Variants in SNX24 observed in about 807,000 individuals in gnomAD.
SNX24 encodes sorting nexin 24, also known as sorting nexin-24.
In SNX24, 22 loss-of-function variants were observed where a neutral mutation model predicts 28.7. That is an observed-to-expected ratio of 0.77 (90% CI 0.55 to 1.10). SNX24 has a LOEUF of 1.10. SNX24 is among the 50% of genes least tolerant of loss of function. The pLI is 0.00. For synonymous variants in SNX24, 69 were observed against 71.5 expected, an observed-to-expected ratio of 0.96 and a Z score of 0.18; for missense variants, 221 against 201.1, an observed-to-expected ratio of 1.10 and a Z score of -0.60.
intron 3 of SNX24, among the ~76,000 whole-genome samples, chr5:122,977,823 A>G (rs948758353): frequency 2.1e-4 from 32 of 152,216 alleles, no homozygotes; most frequent in African/African-American, 7.2e-4. Context: ...AGAGAGTTCT[A>G]TTGTTTGAGT....
chr5:122,848,210 C>T (rs1279987787), intron 1 of SNX24, among the ~76,000 whole-genome samples: 1 of 152,178 alleles, frequency 6.6e-6, no homozygotes, highest in Non-Finnish European at 1.5e-5. Context: ...TCAAGTGATC[C>T]TTCCCCCTTG....
intron 1 of SNX24, among the ~76,000 whole-genome samples, chr5:122,933,966 A>G (rs1759075981): frequency 6.6e-6 from 1 of 151,770 alleles, no homozygotes; most frequent in Admixed American, 6.6e-5. Context: ...TGTTTTTAGT[A>G]GAGACAGGGT....
chr5:123,023,986 T>C, intron 5 of SNX24: 1 of 1,613,504 alleles, frequency 6.2e-7, no homozygotes, highest in Non-Finnish European at 8.5e-7. Flanking sequence ...CTTGGAGCTC[T>C]ATGGAGTGCA....
chr5:122,869,052 G>C (rs2150049921), intron 1 of SNX24, among the ~76,000 whole-genome samples: 1 of 152,280 alleles, frequency 6.6e-6, no homozygotes, highest in South Asian at 2.1e-4. Flanking sequence ...ATGCATACCT[G>C]TGGAAAGTGT....
chr5:122,915,420 G>C (rs1202390472), intron 1 of SNX24, among the ~76,000 whole-genome samples: 2 of 152,178 alleles, frequency 1.3e-5, no homozygotes, highest in Non-Finnish European at 2.9e-5. Context: ...GAGCCCAGGA[G>C]TTTGAGACCA....
At chr5:122,957,914 C>T (rs30068) in intron 3 of SNX24, among the ~76,000 whole-genome samples, 108,615 of 152,080 alleles carry the variant, frequency 0.71, 39,473 homozygotes, top group East Asian at 0.99. Flanking sequence ...TTAGTTATAA[C>T]AGTTTTTTTG....
chr5:122,952,761 G>A (rs115278129), intron 3 of SNX24, among the ~76,000 whole-genome samples: 140 of 152,290 alleles, frequency 9.2e-4, no homozygotes, highest in African/African-American at 3.3e-3. Flanking sequence ...ATTACAATAG[G>A]ATGCTGTGTA....
At chr5:122,981,383 A>G (rs1761385885) in intron 3 of SNX24, among the ~76,000 whole-genome samples, 1 of 152,242 alleles carries the variant, frequency 6.6e-6, no homozygotes, top group Admixed American at 6.5e-5. Context: ...ACTCTTAAAT[A>G]TCAGCAATAG....
chr5:122,938,194 C>A (rs1459523399), intron 2 of SNX24, among the ~76,000 whole-genome samples: 1 of 152,110 alleles, frequency 6.6e-6, no homozygotes, highest in Non-Finnish European at 1.5e-5. Context: ...CGAGGCTGCC[C>A]GTGCTTCTGG....
downstream of SNX24, among the ~76,000 whole-genome samples, chr5:123,012,943 C>T (rs1374940429): frequency 1.3e-5 from 2 of 152,182 alleles, no homozygotes; most frequent in African/African-American, 2.4e-5. Flanking sequence ...CTGATACACA[C>T]CTGTATTAGG....
chr5:122,909,295 C>T (rs1382922764), intron 1 of SNX24, among the ~76,000 whole-genome samples: 1 of 152,130 alleles, frequency 6.6e-6, no homozygotes, highest in African/African-American at 2.4e-5. Context: ...GACATAGTAC[C>T]TATTGCTTAA....
Position 122,936,030 on chromosome 5 carries a change from T to C in SNX24, c.61-704T>C, listed in dbSNP as rs1244177468. ...AGCATTTCACAATATTTCTCATCCCTTGTTTCCAGTCTTGACCCACTGACC... is the reference window on the plus strand; with the variant it reads ...AGCATTTCACAATATTTCTCATCCCCTGTTTCCAGTCTTGACCCACTGACC... On this transcript the variant is annotated intron_variant, in intron 1 of 6. Coordinates refer to ENST00000261369, the MANE Select transcript of SNX24 (RefSeq NM_014035.4). Among the ~76,000 whole-genome samples the C allele has an allele frequency of 3.5e-4, 53 of 152,214 alleles. 1 individual carries two copies. The highest frequency in any genetic ancestry group is 3.5e-3 in the Admixed American group (53 of 15,276).
At chr5:122,954,244 G>A (rs2150132410) in intron 3 of SNX24, among the ~76,000 whole-genome samples, 1 of 151,602 alleles carries the variant, frequency 6.6e-6, no homozygotes, top group East Asian at 1.9e-4. Context: ...TCAGATCAGT[G>A]TTAAGTATTC....
intron 3 of SNX24, among the ~76,000 whole-genome samples, chr5:122,989,912 AC>A (rs1313637542): frequency 6.6e-6 from 1 of 152,148 alleles, no homozygotes; most frequent in Non-Finnish European, 1.5e-5. Context: ...TGTAGTCCTT[AC>A]CAGCCATGTG....
chr5:122,936,797 T>A lies in SNX24; in HGVS notation c.124T>A (p.Phe42Ile). 6.2e-7 allele frequency: 1 copy of A among 1,607,370 alleles called. No individual in the cohort carries two copies. The highest frequency in any genetic ancestry group is 8.5e-7 in the Non-Finnish European group (1 of 1,175,012). Residue 42 changes from phenylalanine (F) to isoleucine (I), a missense_variant, in exon 2 of 7, where the codon TTT becomes ATT. Transcript: ENST00000261369. ...KHFVEKRYSE[F>I]HALHKKLKKC... ...TTTTGTTGAAAAGAGATACAGCGAA[T>A]TTCATGCTTTGCACAAAAAGGTAAC...
intron 3 of SNX24, among the ~76,000 whole-genome samples, chr5:122,949,336 T>C (rs1264829702): frequency 3.9e-5 from 6 of 152,198 alleles, no homozygotes; most frequent in Non-Finnish European, 8.8e-5. Context: ...ATACATATTT[T>C]CTTTTATGTT....
chr5:122,984,198 A>AT (rs919149367), intron 3 of SNX24, among the ~76,000 whole-genome samples: 14 of 152,012 alleles, frequency 9.2e-5, no homozygotes, highest in Admixed American at 6.6e-4. Context: ...TGAATAGCAG[A>AT]TTTTTTCCCT....
Position 122,963,415 on chromosome 5 carries a change from A to G in SNX24, c.249+17256A>G, listed in dbSNP as rs1365013613. The stretch of plus-strand genomic sequence containing the variant: ...AGAAACAGGTGGTGTCATTTCATTT[A>G]TATGGACAGAAAGACCACATATTAC... On this transcript the variant is annotated intron_variant, in intron 3 of 6. Transcript: ENST00000261369. Among the ~76,000 whole-genome samples the G allele has an allele frequency of 2.6e-5, 4 of 152,344 alleles. No individual in the cohort carries two copies. The East Asian group carries it at 7.7e-4, about 29-fold the overall frequency.
At chr5:122,996,498 A>G (rs1476673280) in intron 3 of SNX24, among the ~76,000 whole-genome samples, 1 of 152,206 alleles carries the variant, frequency 6.6e-6, no homozygotes, top group Non-Finnish European at 1.5e-5. Context: ...TCCCTGAAAT[A>G]TAGAGGGCCA....
Sources: allele counts gnomAD v4.1 joint callset (sites outside exome capture counted in the v4.1 genomes callset), GRCh38; gene constraint gnomAD v4.1.1; transcripts MANE v1.5; gene names NCBI Gene and HGNC (gene_info 2026-07-23, HGNC 2026-07-21).